Variants in PCGF6 observed in about 807,000 individuals in gnomAD.
PCGF6 encodes the protein polycomb group ring finger 6.
Under a neutral mutation model 45.5 loss-of-function variants are expected in PCGF6, and 24 were observed. That is an observed-to-expected ratio of 0.53 (90% CI 0.38 to 0.74). The LOEUF (loss-of-function observed/expected upper bound fraction) is 0.74, where lower values mean the gene tolerates loss of function less well. Among genes scored for constraint, PCGF6 ranks in the 30% least tolerant of loss-of-function variants. The pLI, the probability that PCGF6 is intolerant of heterozygous loss-of-function variation, is 0.00. For missense variants in PCGF6, 356 were observed against 443.2 expected (o/e 0.80, Z 1.77); for synonymous variants, 152 against 162.1 (o/e 0.94, Z 0.47).
At chr10:103,329,138 C>G (rs1274589776) in intron 7 of PCGF6, among the ~76,000 whole-genome samples, 1 of 152,008 alleles carries the variant, frequency 6.6e-6, no homozygotes, top group Non-Finnish European at 1.5e-5. Context: ...CTCTTGGATT[C>G]AAGTGATTCT....
At chr10:103,327,753 C>G (rs1018132552) in intron 7 of PCGF6, among the ~76,000 whole-genome samples, 1 of 151,962 alleles carries the variant, frequency 6.6e-6, no homozygotes, top group Admixed American at 6.6e-5. Flanking sequence ...CAGCTCACTG[C>G]AAGCTCCGCC....
At chr10:103,347,080 T>C (rs1278843668) in intron 5 of PCGF6, among the ~76,000 whole-genome samples, 158 bp downstream of exon 5, 1 of 152,180 alleles carries the variant, frequency 6.6e-6, no homozygotes, top group Admixed American at 6.6e-5. Context: ...GTCTGCAATC[T>C]CTAATTTTTA....
chr10:103,341,403 C>T (rs1009219407), intron 6 of PCGF6, among the ~76,000 whole-genome samples: 6 of 151,022 alleles, frequency 4.0e-5, no homozygotes, highest in Non-Finnish European at 7.4e-5. Context: ...ACTAAAGGCG[C>T]GCACCACCAT....
chr10:103,304,051 TA>T lies in PCGF6; in HGVS notation c.997-91del. The T allele has an allele frequency of 1.1e-5, 11 of 997,966 alleles. 1 individual carries two copies. The South Asian group carries it at 1.5e-4, about 14-fold the overall frequency. 61.8% of individuals were successfully genotyped at this position (997,966 alleles called of 1,614,324 possible). Reference sequence around the variant, plus strand: ...TCAAAGCTGGCTTACTTTTTTTTAATAATCTAACACTAAGGTGAAATTCTTT... The same window carrying T: ...TCAAAGCTGGCTTACTTTTTTTTAATATCTAACACTAAGGTGAAATTCTTT... On this transcript the variant is annotated intron_variant, in intron 9 of 9. Coordinates refer to ENST00000369847, the MANE Select transcript of PCGF6 (RefSeq NM_001011663.2).
At chr10:103,347,216 T>C in intron 5 of PCGF6, 22 bp downstream of exon 5, 3 of 1,553,918 alleles carry the variant, frequency 1.9e-6, no homozygotes, top group Middle Eastern at 1.8e-4. Context: ...GTAAGTACAT[T>C]ATAGTATACA....
chr10:103,328,903 C>A (rs1306088564), intron 7 of PCGF6, among the ~76,000 whole-genome samples: 1 of 151,744 alleles, frequency 6.6e-6, no homozygotes, highest in Non-Finnish European at 1.5e-5. Context: ...AGGCGTGTAC[C>A]ACCACGCTAT....
At chr10:103,348,340 G>GT (rs113018538) in intron 3 of PCGF6, 490 of 145,436 alleles carry the variant, frequency 3.4e-3, no homozygotes, top group African/African-American at 4.7e-3. Flanking sequence ...GAGTTTTTTT[G>GT]TTTTTTTTTT....
intron 6 of PCGF6, among the ~76,000 whole-genome samples, chr10:103,339,722 TGAG>T (rs2093271403): frequency 6.9e-6 from 1 of 145,562 alleles, no homozygotes; most frequent in African/African-American, 2.6e-5. Context: ...ACCGGAAGAC[TGAG>T]GACTGAGGTT....
At chr10:103,340,956 G>A (rs759070169) in intron 6 of PCGF6, among the ~76,000 whole-genome samples, 4 of 151,950 alleles carry the variant, frequency 2.6e-5, no homozygotes, top group African/African-American at 2.4e-5. Context: ...CCTTACAGGC[G>A]CGGTGGCTCA....
At chr10:103,325,066 C>T (rs551259467) in intron 8 of PCGF6, among the ~76,000 whole-genome samples, 6 of 150,946 alleles carry the variant, frequency 4.0e-5, no homozygotes, top group African/African-American at 9.7e-5. Context: ...ACCCGGGGGG[C>T]GGAAGTTGCA....
chr10:103,344,834 T>A (rs1394217829), intron 6 of PCGF6, among the ~76,000 whole-genome samples, 190 bp downstream of exon 6: 1 of 152,052 alleles, frequency 6.6e-6, no homozygotes, highest in African/African-American at 2.4e-5. Flanking sequence ...CCTCCCAAAG[T>A]GTTGGGATTA....
intron 8 of PCGF6, 145 bp downstream of exon 8, chr10:103,326,388 CA>C (rs371726949): frequency 0.15 from 36,009 of 238,794 alleles, 38 homozygotes; most frequent in Middle Eastern, 0.19. Flanking sequence ...GACTCCATCT[CA>C]AAAAAAAAAA....
chr10:103,331,593 A>G (rs2093240214), intron 7 of PCGF6, among the ~76,000 whole-genome samples: 1 of 152,178 alleles, frequency 6.6e-6, no homozygotes, highest in Non-Finnish European at 1.5e-5. Flanking sequence ...ATATATTTCA[A>G]ATCAAATCCA....
At chr10:103,305,493 AC>A (rs768698461) in intron 9 of PCGF6, among the ~76,000 whole-genome samples, 1 of 151,536 alleles carries the variant, frequency 6.6e-6, no homozygotes, top group Non-Finnish European at 1.5e-5. Context: ...CTGGTCCCGA[AC>A]TCCTGACCTC....
At chr10:103,312,248 C>T (rs2093160057) in intron 9 of PCGF6, among the ~76,000 whole-genome samples, 1 of 151,572 alleles carries the variant, frequency 6.6e-6, no homozygotes, top group Admixed American at 6.6e-5. Context: ...AAAAAATTAG[C>T]CAGGCGTGGT....
At chr10:103,317,924 A>C (rs921071833) in intron 8 of PCGF6, among the ~76,000 whole-genome samples, 1 of 151,154 alleles carries the variant, frequency 6.6e-6, no homozygotes, top group African/African-American at 2.4e-5. Context: ...ACGCATGGCT[A>C]ATTTTGTATT....
At chr10:103,340,197 AAAT>A (rs1465524204) in intron 6 of PCGF6, among the ~76,000 whole-genome samples, 2,020 of 94,780 alleles carry the variant, frequency 0.021, 10 homozygotes, top group African/African-American at 0.042. Flanking sequence ...AAAAAAAAAA[AAAT>A]ATATATATAT....
intron 8 of PCGF6, among the ~76,000 whole-genome samples, chr10:103,324,259 T>C (rs2133571337): frequency 6.8e-6 from 1 of 148,108 alleles, no homozygotes; most frequent in Middle Eastern, 3.5e-3. Flanking sequence ...GTATTTTAGA[T>C]AAAAAATTAT....
chr10:103,341,438 G>A (rs2093280408), intron 6 of PCGF6, among the ~76,000 whole-genome samples: 1 of 148,962 alleles, frequency 6.7e-6, no homozygotes, highest in Non-Finnish European at 1.5e-5. Context: ...TGTATTTTTT[G>A]TTTGTTTTTG....
Sources: gnomAD v4.1 joint callset for allele counts (sites outside exome capture counted in the v4.1 genomes callset) on GRCh38, gnomAD v4.1.1 for gene constraint, MANE v1.5 for transcripts, NCBI Gene and HGNC (gene_info 2026-07-23, HGNC 2026-07-21) for gene names.